The following KHDRBS2 variants were observed in gnomAD, a reference collection of about 807,000 sequenced individuals.
KHDRBS2 encodes the protein KH RNA binding domain containing, signal transduction associated 2.
In KHDRBS2, 26 loss-of-function variants were observed where a neutral mutation model predicts 44.3. The observed-to-expected ratio is 0.59, with a 90% CI of 0.43 to 0.81. The LOEUF (loss-of-function observed/expected upper bound fraction) is 0.81, where lower values mean the gene tolerates loss of function less well. Among genes scored for constraint, KHDRBS2 ranks in the 40% least tolerant of loss-of-function variants. The pLI, the probability that KHDRBS2 is intolerant of heterozygous loss-of-function variation, is 0.00. For missense variants in KHDRBS2, 476 were observed against 433.1 expected, an observed-to-expected ratio of 1.10 and a Z score of -0.88; for synonymous variants, 194 against 151.1, an observed-to-expected ratio of 1.28 and a Z score of -2.08.
intron 2 of KHDRBS2, among the ~76,000 whole-genome samples, chr6:62,121,575 C>T (rs543487836): frequency 3.8e-4 from 58 of 152,310 alleles, no homozygotes; most frequent in African/African-American, 1.3e-3. Context: ...CCATTCCTGT[C>T]GATAACACCA....
At chr6:61,904,620 C>A (rs1193690045) in intron 4 of KHDRBS2, among the ~76,000 whole-genome samples, 1 of 152,154 alleles carries the variant, frequency 6.6e-6, no homozygotes, top group Admixed American at 6.5e-5. Context: ...TAGTTAAATG[C>A]TAACACAGAT....
At chr6:61,988,225 T>C (rs1488172361) in intron 3 of KHDRBS2, among the ~76,000 whole-genome samples, 1 of 152,054 alleles carries the variant, frequency 6.6e-6, no homozygotes, top group Non-Finnish European at 1.5e-5. Flanking sequence ...TGTCTTGATA[T>C]AGTAAGAGCA....
At chr6:61,686,921 A>C (rs1766879245) in intron 8 of KHDRBS2, among the ~76,000 whole-genome samples, 2 of 151,556 alleles carry the variant, frequency 1.3e-5, no homozygotes, top group African/African-American at 4.8e-5. Flanking sequence ...GATTTACTGT[A>C]GTTTTAATTT....
chr6:61,776,362 A>C (rs1435122354), intron 6 of KHDRBS2, among the ~76,000 whole-genome samples: 1 of 151,946 alleles, frequency 6.6e-6, no homozygotes, highest in African/African-American at 2.4e-5. Context: ...GCAACCTACA[A>C]AATGGGAGAA....
chr6:62,156,388 T>C (rs1423373114), intron 2 of KHDRBS2, among the ~76,000 whole-genome samples: 1 of 152,150 alleles, frequency 6.6e-6, no homozygotes, highest in Non-Finnish European at 1.5e-5. Context: ...AAAGCATTTA[T>C]TTGGCCAGTT....
In KHDRBS2 at chr6:61,743,875, C is replaced by T. The variant is rs554693806; in HGVS notation, c.811-11111G>A. ...ATTCCCACCTATGAGTGAGAACATG[C>T]GGTGTTTGGTTTTTTGTCCTTGCGA... On this transcript the variant is annotated intron_variant, in intron 6 of 8. Transcript: ENST00000281156. Among the ~76,000 whole-genome samples the T allele has an allele frequency of 1.3e-3, 190 of 146,942 alleles. 3 individuals are homozygous for T. The highest frequency in any genetic ancestry group is 1.3e-3 in the Admixed American group (18 of 14,250).
At chr6:62,178,389 A>G (rs145590748) in intron 1 of KHDRBS2, among the ~76,000 whole-genome samples, 88 of 151,758 alleles carry the variant, frequency 5.8e-4, no homozygotes, top group African/African-American at 1.7e-3. Context: ...ATCATGTAAG[A>G]ACCTGTAGAA....
At chr6:61,665,440 T>C in the KHDRBS2 span, among the ~76,000 whole-genome samples, 62 of 151,426 alleles carry the variant, frequency 4.1e-4, no homozygotes, top group African/African-American at 1.4e-3. Flanking sequence ...AACAGGTTGT[T>C]GGCTAATTCT....
chr6:62,243,532 A>G (rs1563124821), intron 1 of KHDRBS2, among the ~76,000 whole-genome samples: 1 of 151,862 alleles, frequency 6.6e-6, no homozygotes, highest in Non-Finnish European at 1.5e-5. Context: ...ATTTTACGTG[A>G]CACTTTTACT....
At chr6:62,257,059 T>A (rs1356166317) in intron 1 of KHDRBS2, among the ~76,000 whole-genome samples, 1 of 152,058 alleles carries the variant, frequency 6.6e-6, no homozygotes, top group Non-Finnish European at 1.5e-5. Flanking sequence ...TCAAATGTAA[T>A]TTCCATTTCA....
intron 4 of KHDRBS2, among the ~76,000 whole-genome samples, chr6:61,936,764 T>C (rs1408177130): frequency 6.6e-6 from 1 of 152,022 alleles, no homozygotes; most frequent in Non-Finnish European, 1.5e-5. Flanking sequence ...TGTCAGTGCT[T>C]TGGAAATAGT....
chr6:61,877,208 C>T (rs1401621811), intron 6 of KHDRBS2, among the ~76,000 whole-genome samples: 3 of 151,930 alleles, frequency 2.0e-5, no homozygotes, highest in Admixed American at 1.3e-4. Context: ...TCCAGTCTCA[C>T]ATACGCTCTA....
chr6:61,943,676 T>C (rs1431417957), intron 4 of KHDRBS2, among the ~76,000 whole-genome samples: 3 of 152,112 alleles, frequency 2.0e-5, no homozygotes, highest in Admixed American at 6.6e-5. Context: ...CAAAACATCT[T>C]CTGCACAGAA....
intron 1 of KHDRBS2, among the ~76,000 whole-genome samples, chr6:62,233,636 C>T (rs542521494): frequency 4.5e-4 from 68 of 152,200 alleles, no homozygotes; most frequent in Middle Eastern, 6.8e-3. Flanking sequence ...CCTCTCCCTT[C>T]TCCCACCCTC....
intron 6 of KHDRBS2, among the ~76,000 whole-genome samples, chr6:61,764,844 A>T (rs1227907913): frequency 6.6e-6 from 1 of 152,052 alleles, no homozygotes; most frequent in Non-Finnish European, 1.5e-5. Context: ...GTTCACTCTG[A>T]TGATAGTTTC....
the KHDRBS2 span, among the ~76,000 whole-genome samples, chr6:61,596,623 C>T: frequency 1.3e-5 from 2 of 152,044 alleles, no homozygotes; most frequent in African/African-American, 2.4e-5. Context: ...GGCAACCCTA[C>T]ATTTGTACTT....
In KHDRBS2 at chr6:62,230,922, G is replaced by A. The variant is rs550487573; in HGVS notation, c.92-53610C>T. Among the ~76,000 whole-genome samples the A allele has an allele frequency of 4.6e-4, 70 of 152,084 alleles. 1 individual carries two copies. Among genetic ancestry groups the A allele is most frequent in the African/African-American group, 1.6e-3 (68 of 41,496 alleles). Reference sequence around the variant, plus strand: ...AAAACAAATTCAAAATGCTATCCTAGGTAATTTAAAAAAATATTATAACAC... The same window carrying A: ...AAAACAAATTCAAAATGCTATCCTAAGTAATTTAAAAAAATATTATAACAC... On this transcript the variant is annotated intron_variant, in intron 1 of 8. Coordinates refer to ENST00000281156, the MANE Select transcript of KHDRBS2 (RefSeq NM_152688.4).
At chr6:62,149,990 T>C (rs932304160) in intron 2 of KHDRBS2, among the ~76,000 whole-genome samples, 2 of 152,216 alleles carry the variant, frequency 1.3e-5, no homozygotes, top group Non-Finnish European at 2.9e-5. Context: ...ATTAAAACAA[T>C]GAAATGAGAT....
intron 1 of KHDRBS2, among the ~76,000 whole-genome samples, chr6:62,249,352 C>T (rs1215663534): frequency 6.6e-6 from 1 of 151,940 alleles, no homozygotes; most frequent in African/African-American, 2.4e-5. Flanking sequence ...ATAAGGCACA[C>T]TTTACAAAAT....
Sources: gnomAD v4.1 joint callset for allele counts (sites outside exome capture counted in the v4.1 genomes callset) on GRCh38, gnomAD v4.1.1 for gene constraint, MANE v1.5 for transcripts, NCBI Gene and HGNC (gene_info 2026-07-23, HGNC 2026-07-21) for gene names.